Variants in APC observed in about 807,000 individuals in gnomAD.
APC encodes APC regulator of Wnt signaling pathway.
APC carries 72 observed loss-of-function variants against 247.0 expected under a neutral mutation model. The ratio of observed to expected loss-of-function variants is 0.29; its 90% CI spans 0.24 to 0.35. The LOEUF (loss-of-function observed/expected upper bound fraction) is 0.35. Among genes scored for constraint, APC ranks in the 10% least tolerant of loss-of-function variants. The pLI, the probability that APC is intolerant of heterozygous loss-of-function variation, is 1.00. For synonymous variants in APC, 1,254 were observed against 1,162.5 expected (o/e 1.08, Z -1.60); for missense variants, 3,400 against 3,360.7 (o/e 1.01, Z -0.29).
At position 112,837,715 on chromosome 5, in the gene APC, C is replaced by G. The variant is rs1174765539; in HGVS notation, c.2121C>G (p.Leu707=). Residue 707 remains leucine (L), a synonymous_variant, in exon 16 of 16, where the codon CTC becomes CTG. Transcript: ENST00000257430. ...GGGACATGGGGGCAGTTAGCATGCT[C>G]AAGAACCTCATTCATTCAAAGCACA... The part of the protein sequence containing the change: ...ALWDMGAVSM[L]KNLIHSKHKM... The G allele has an allele frequency of 1.2e-6, 2 of 1,614,012 alleles. No homozygotes were observed. The highest frequency in any genetic ancestry group is 1.3e-5 in the African/African-American group (1 of 74,900).
intron 1 of APC, among the ~76,000 whole-genome samples, chr5:112,719,844 A>G (rs1222695597): frequency 5.3e-5 from 8 of 152,180 alleles, no homozygotes; most frequent in Admixed American, 4.6e-4. Flanking sequence ...CGCCCAGCCA[A>G]TTTTCAATAA....
chr5:112,831,577 T>A (rs1053665479), intron 14 of APC, among the ~76,000 whole-genome samples: 4 of 152,148 alleles, frequency 2.6e-5, no homozygotes, highest in Non-Finnish European at 4.4e-5. Flanking sequence ...CCTCTCAACT[T>A]CAGCTACTAA....
At chr5:112,815,440 A>G (rs1023806981) in intron 8 of APC, 55 bp from the exon 9 acceptor site, 12 of 1,257,848 alleles carry the variant, frequency 9.5e-6, no homozygotes, top group Non-Finnish European at 1.3e-5. Flanking sequence ...ACATGATGTT[A>G]TCTGTATTTA....
Position 112,841,134 on chromosome 5 carries a change from C to G in APC, c.5540C>G (p.Thr1847Arg), listed in dbSNP as rs371686531. 2.5e-6 allele frequency: 4 copies of G among 1,612,342 alleles called. No individual in the cohort carries two copies. Among genetic ancestry groups the G allele is most frequent in the Non-Finnish European group, 3.4e-6 (4 of 1,178,438 alleles). ...GCTTTTGATTCACCTCATCATTACA[C>G]GCCTATTGAAGGAACTCCTTACTGT... The part of the protein sequence containing the change: ...SFAFDSPHHY[T>R]PIEGTPYCFS... Residue 1847 changes from threonine (T) to arginine (R), a missense_variant, in exon 16 of 16, where the codon ACG (threonine) becomes AGG (arginine). Around this residue, in one of 9 missense-constraint regions of APC, gnomAD observed 1,788 missense variants for 1,649.5 expected, o/e 1.08. Transcript: ENST00000257430. This position sits in a 1 kb window ranked among gnomAD's most constrained non-coding sequence, Gnocchi z 4.6.
At chr5:112,720,562 G>A (rs1251712307) in intron 1 of APC, among the ~76,000 whole-genome samples, 2 of 152,192 alleles carry the variant, frequency 1.3e-5, no homozygotes, top group African/African-American at 4.8e-5. Context: ...GAAGATGGGT[G>A]ACTTGACTTG....
intron 8 of APC, among the ~76,000 whole-genome samples, chr5:112,808,717 G>GT (rs922076194): frequency 2.0e-5 from 3 of 151,780 alleles, no homozygotes; most frequent in Non-Finnish European, 2.9e-5. Flanking sequence ...GCTTCCAAAT[G>GT]TTTTTTTTAT....
chr5:112,829,187 G>C (rs1316474372), intron 14 of APC: 1 of 436,308 alleles, frequency 2.3e-6, no homozygotes, highest in Non-Finnish European at 4.3e-6. Flanking sequence ...CGCCCAGGCT[G>C]GAGTGCAGTG....
At chr5:112,774,660 G>C (rs929985992) in intron 4 of APC, among the ~76,000 whole-genome samples, 15 of 151,292 alleles carry the variant, frequency 9.9e-5, no homozygotes, top group Admixed American at 4.6e-4. Context: ...TGGGATTTTG[G>C]GGTTTGGGTT....
chr5:112,723,159 C>G lies in APC; in HGVS notation c.165+15277C>G, dbSNP rs558370859. 1.1e-4 allele frequency among the ~76,000 whole-genome samples: 17 copies of G among 152,030 alleles called. No homozygotes were observed. In the South Asian group the frequency reaches 3.5e-3, roughly 32 times the overall value. On this transcript the variant is annotated intron_variant, in intron 1 of 13. Transcript: ENST00000507379. Reference sequence around the variant, plus strand: ...TCAACATTATTAAAAAAAAAGAGGACTATAATAAGCATTATAGTAGTGAAG... The same window carrying G: ...TCAACATTATTAAAAAAAAAGAGGAGTATAATAAGCATTATAGTAGTGAAG...
intron 4 of APC, among the ~76,000 whole-genome samples, chr5:112,769,530 C>A (rs1374615908): frequency 6.6e-6 from 1 of 152,002 alleles, no homozygotes; most frequent in Non-Finnish European, 1.5e-5. Context: ...TGTTTTATGT[C>A]CCCTAAAAGA....
rs1554081882 is a variant in APC at position 112,827,942 on chromosome 5, C to G, written c.1562C>G (p.Ser521Cys). 4 of 1,613,256 alleles carry G rather than the reference C, an allele frequency of 2.5e-6. No individual in the cohort carries two copies. The highest frequency in any genetic ancestry group is 1.3e-5 in the African/African-American group (1 of 75,040). ...GDVANKATLCSMKGCMRALVA... is the reference protein window; with the variant it reads ...GDVANKATLCCMKGCMRALVA... ...TTTAATTTACAGGCTACGCTATGCT[C>G]TATGAAAGGCTGCATGAGAGCACTT... is the stretch of plus-strand genomic sequence containing the variant. Residue 521 changes from serine (S) to cysteine (C), a missense_variant, in exon 13 of 16, where the codon TCT becomes TGT. Coordinates refer to ENST00000257430, the MANE Select transcript of APC (RefSeq NM_000038.6).
chr5:112,830,234 T>C (rs34069944), intron 14 of APC, among the ~76,000 whole-genome samples: 1 of 152,224 alleles, frequency 6.6e-6, no homozygotes, highest in African/African-American at 2.4e-5. Flanking sequence ...AGCATCTGCA[T>C]AAAAATACCT....
At position 112,838,068 on chromosome 5, in the gene APC, A is replaced by G. The variant is rs186641437; in HGVS notation, c.2474A>G (p.Tyr825Cys). 6.8e-6 allele frequency: 11 copies of G among 1,614,204 alleles called. No homozygotes were observed. In the Admixed American group the frequency reaches 1.7e-4, roughly 24 times the overall value. The change falls in exon 16 of 16, where the codon TAT becomes TGT. Residue 825 changes from tyrosine (Y) to cysteine (C), a missense_variant. This residue lies in a region of APC where 715 missense variants were observed against 656.6 expected (regional missense o/e 1.09). Transcript: ENST00000257430. ...NTGNMTVLSP[Y>C]LNTTVLPSSS... The stretch of plus-strand genomic sequence containing the variant: ...GGCAACATGACTGTCCTTTCACCAT[A>G]TTTGAATACTACAGTGTTACCCAGC...
At chr5:112,739,285 A>G (rs1029852958) in intron 1 of APC, among the ~76,000 whole-genome samples, 3 of 152,014 alleles carry the variant, frequency 2.0e-5, no homozygotes, top group African/African-American at 7.3e-5. Context: ...ATGCATACTT[A>G]TAGTAGCCAG....
At chr5:112,773,069 T>C (rs1054688667) in intron 4 of APC, among the ~76,000 whole-genome samples, 2 of 152,188 alleles carry the variant, frequency 1.3e-5, no homozygotes, top group African/African-American at 2.4e-5. Context: ...AGCTTGTCTT[T>C]AGTGTGCCTT....
intron 5 of APC, among the ~76,000 whole-genome samples, chr5:112,777,252 C>T (rs931244154): frequency 4.6e-5 from 7 of 151,998 alleles, no homozygotes; most frequent in African/African-American, 1.2e-4. Context: ...AAAACATTTA[C>T]GTGTGCATTT....
rs189559436 is a variant in APC at position 112,717,855 on chromosome 5, T to G, written c.165+9973T>G. 2.7e-5 allele frequency among the ~76,000 whole-genome samples: 4 copies of G among 150,762 alleles called. No homozygotes were observed. The East Asian group carries it at 7.8e-4, about 29-fold the overall frequency. Reference sequence around the variant, plus strand: ...CTGTCATTTTGGGACTAGTTTAGTATGTTAGGCCTTCTTATCCTGTCTCTT... The same window carrying G: ...CTGTCATTTTGGGACTAGTTTAGTAGGTTAGGCCTTCTTATCCTGTCTCTT... On this transcript the variant is annotated intron_variant, in intron 1 of 13. Transcript: ENST00000507379.
intron 6 of APC, chr5:112,783,765 CAAAAA>C (rs77929348): frequency 9.7e-3 from 1,900 of 195,262 alleles, no homozygotes; most frequent in South Asian, 0.013. Context: ...CCACTGCACT[CAAAAA>C]AAAAAAAAAA....
intron 14 of APC, among the ~76,000 whole-genome samples, chr5:112,830,664 A>G (rs1347622350): frequency 6.6e-6 from 1 of 152,250 alleles, no homozygotes; most frequent in East Asian, 1.9e-4. Context: ...GTGAATGGTA[A>G]GCAAATTGTG....
Sources: gnomAD v4.1 joint callset for allele counts (sites outside exome capture counted in the v4.1 genomes callset) on GRCh38, gnomAD v4.1.1 for gene constraint, gnomAD v4.1.1 regional missense constraint, Gnocchi (gnomAD v3.1) non-coding constraint, MANE v1.5 for transcripts, NCBI Gene and HGNC (gene_info 2026-07-23, HGNC 2026-07-21) for gene names.